LTBP1: variants seen among roughly 807,000 people sequenced by gnomAD.
LTBP1 encodes latent transforming growth factor beta binding protein 1, also known as latent-transforming growth factor beta-binding protein 1.
A neutral mutation model predicts 207.6 loss-of-function variants in LTBP1; 129 were observed. That is an observed-to-expected ratio of 0.62 (90% CI 0.54 to 0.72). LTBP1 has a LOEUF of 0.72. Ranked by LOEUF, LTBP1 falls within the 30% of genes least tolerant of loss-of-function variation. The pLI is 0.00. For synonymous variants in LTBP1, 963 were observed against 833.7 expected (o/e 1.16, Z -2.67); for missense variants, 2,281 against 2,217.2 (o/e 1.03, Z -0.58).
chr2:33,203,991 G>A (rs1350591895), intron 7 of LTBP1, among the ~76,000 whole-genome samples: 1 of 152,200 alleles, frequency 6.6e-6, no homozygotes, highest in African/African-American at 2.4e-5. Context: ...GGCTCTGATG[G>A]TCTGATGTGG....
intron 2 of LTBP1, among the ~76,000 whole-genome samples, chr2:32,976,446 A>G (rs1022792939): frequency 1.3e-5 from 2 of 152,242 alleles, no homozygotes; most frequent in Non-Finnish European, 2.9e-5. Flanking sequence ...TAGGCACTAT[A>G]TCCTGGCAAA....
At chr2:33,157,529 A>T (rs1186960711) in intron 5 of LTBP1, among the ~76,000 whole-genome samples, 6 of 152,200 alleles carry the variant, frequency 3.9e-5, no homozygotes, top group African/African-American at 7.2e-5. Context: ...AGACCCAGAC[A>T]GGGAGGTTAT....
At chr2:33,389,379 T>C in intron 32 of LTBP1, 73 bp downstream of exon 32, 1 of 1,587,222 alleles carries the variant, frequency 6.3e-7, no homozygotes, top group Admixed American at 1.7e-5. Flanking sequence ...CAAAATGTAA[T>C]GGCAACTTGT....
chr2:33,183,461 T>A (rs1186765021), intron 5 of LTBP1, among the ~76,000 whole-genome samples: 2 of 152,242 alleles, frequency 1.3e-5, no homozygotes, highest in Non-Finnish European at 2.9e-5. Flanking sequence ...ACACATCTGT[T>A]ATTCACATCA....
At chr2:33,368,649 G>A (rs538769635) in intron 31 of LTBP1, among the ~76,000 whole-genome samples, 1 of 152,338 alleles carries the variant, frequency 6.6e-6, no homozygotes, top group African/African-American at 2.4e-5. Flanking sequence ...GGCCGAGGTG[G>A]GTGGATTGCC....
intron 8 of LTBP1, among the ~76,000 whole-genome samples, chr2:33,219,459 C>T (rs145093166): frequency 2.6e-5 from 4 of 152,190 alleles, no homozygotes; most frequent in African/African-American, 4.8e-5. Flanking sequence ...AGTTCGACTC[C>T]CAGCTCTTTC....
intron 3 of LTBP1, among the ~76,000 whole-genome samples, chr2:33,038,276 G>A (rs186389321): frequency 2.6e-5 from 4 of 152,186 alleles, no homozygotes; most frequent in Admixed American, 1.3e-4. Context: ...AGACAGATGC[G>A]ACTCCTCCTG....
At chr2:33,163,589 T>C (rs115537301) in intron 5 of LTBP1, among the ~76,000 whole-genome samples, 2,282 of 152,248 alleles carry the variant, frequency 0.015, 23 homozygotes, top group East Asian at 0.027. Flanking sequence ...AGAGTGACTA[T>C]AGTTAGCAAA....
chr2:33,381,596 C>T (rs1006671172), intron 31 of LTBP1, among the ~76,000 whole-genome samples: 4 of 152,274 alleles, frequency 2.6e-5, no homozygotes, highest in Non-Finnish European at 2.9e-5. Context: ...CCTAATAAAT[C>T]GAGCAAATTC....
Position 33,021,052 on chromosome 2 carries a change from G to C in LTBP1, c.709G>C (p.Gly237Arg). 3 of 1,614,066 alleles carry C rather than the reference G, an allele frequency of 1.9e-6. No individual in the cohort carries two copies. The highest frequency in any genetic ancestry group is 2.5e-6 in the Non-Finnish European group (3 of 1,179,998). The change falls in exon 3 of 34, where the codon GGG (glycine) becomes CGG (arginine). Residue 237 changes from glycine (G) to arginine (R), a missense_variant. Physicochemically the swap from Gly to Arg is moderately radical, Grantham distance 125 (BLOSUM62 -2). Coordinates refer to ENST00000404816, the MANE Select transcript of LTBP1 (RefSeq NM_206943.4). ...SSPVFGGQSP[G>R]AASSWGPPEQ... ...ACCAGTCTTTGGAGGGCAGAGTCCT[G>C]GGGCTGCTTCCTCGTGGGGCCCTCC...
At chr2:33,189,384 TG>T (rs1235247560) in intron 7 of LTBP1, among the ~76,000 whole-genome samples, 2 of 152,082 alleles carry the variant, frequency 1.3e-5, no homozygotes, top group African/African-American at 4.8e-5. Flanking sequence ...TTAGTAGAGA[TG>T]GGGTTTCACC....
At chr2:33,070,651 T>C (rs535264810) in intron 3 of LTBP1, among the ~76,000 whole-genome samples, 8 of 152,246 alleles carry the variant, frequency 5.3e-5, no homozygotes, top group Non-Finnish European at 1.2e-4. Context: ...TTCCATTCTT[T>C]GCTGCTTACA....
intron 3 of LTBP1, among the ~76,000 whole-genome samples, chr2:33,024,028 T>C (rs1466513688): frequency 1.3e-5 from 2 of 152,242 alleles, no homozygotes; most frequent in African/African-American, 4.8e-5. Context: ...CCAAAATGTT[T>C]AGTGTTACGT....
rs377312659 is a variant in LTBP1 at position 33,186,827 on chromosome 2, C to G, written c.1202-29C>G. The G allele has an allele frequency of 3.4e-5, 53 of 1,570,776 alleles. 1 individual carries two copies. Among genetic ancestry groups the G allele is most frequent in the South Asian group, 2.0e-4 (18 of 89,796 alleles). ...ACTTAGCCTCTGAGAGACTAACCAA[C>G]TCTCCATGTTTTCTCTTTTCCCTTT... On this transcript the variant is annotated intron_variant, in intron 5 of 33. Transcript: ENST00000404816.
chr2:33,170,535 A>T (rs908519087), intron 5 of LTBP1, among the ~76,000 whole-genome samples: 2 of 152,216 alleles, frequency 1.3e-5, no homozygotes, highest in Non-Finnish European at 2.9e-5. Context: ...CCACAGCTCA[A>T]GGAGGCCTGC....
intron 3 of LTBP1, among the ~76,000 whole-genome samples, chr2:33,044,377 T>G (rs2076344837): frequency 6.6e-6 from 1 of 152,184 alleles, no homozygotes; most frequent in East Asian, 1.9e-4. Flanking sequence ...TGGTTTTCTG[T>G]TCCTGTGTTA....
chr2:32,947,664 C>A lies in LTBP1; in HGVS notation c.340C>A (p.Pro114Thr). 7.0e-7 allele frequency: 1 copy of A among 1,432,888 alleles called. No individual in the cohort carries two copies. The highest frequency in any genetic ancestry group is 9.2e-7 in the Non-Finnish European group (1 of 1,088,294). 88.8% of individuals were successfully genotyped at this position (1,432,888 alleles called of 1,614,324 possible). A position where few individuals can be genotyped will look rare whatever the true frequency, so the allele number is the denominator to read the frequency against. The change falls in exon 1 of 34, where the codon CCC becomes ACC. Residue 114 changes from proline to threonine, a missense_variant. Pro to Thr is a conservative substitution (Grantham distance 38). This residue lies in a region of LTBP1 where 555 missense variants were observed against 491.0 expected (regional missense o/e 1.13). Transcript: ENST00000404816. Reference protein sequence around the residue: ...PPPEPARPAVPGGQLHPNPGG... With the variant: ...PPPEPARPAVTGGQLHPNPGG... ...GCCGGAGCCTGCGCGTCCCGCGGTC[C>A]CCGGCGGGCAGCTCCACCCCAATCC...
intron 17 of LTBP1, 64 bp downstream of exon 17, chr2:33,275,154 A>G (rs2093399873): frequency 1.3e-6 from 2 of 1,593,176 alleles, no homozygotes; most frequent in Non-Finnish European, 8.6e-7. Flanking sequence ...CCCTAAGACT[A>G]TCATCAGTTC....
At chr2:33,006,714 A>G (rs888321483) in intron 2 of LTBP1, among the ~76,000 whole-genome samples, 3 of 112,096 alleles carry the variant, frequency 2.7e-5, no homozygotes, top group Non-Finnish European at 2.0e-5. Flanking sequence ...TTTAAATTTT[A>G]TATGTTACTG....
Sources: gnomAD v4.1 joint callset for allele counts (sites outside exome capture counted in the v4.1 genomes callset) on GRCh38, gnomAD v4.1.1 for gene constraint, gnomAD v4.1.1 regional missense constraint, MANE v1.5 for transcripts, NCBI Gene and HGNC (gene_info 2026-07-23, HGNC 2026-07-21) for gene names.